GATB: variants seen among roughly 807,000 people sequenced by gnomAD.
GATB encodes glutamyl-tRNA amidotransferase subunit B, also known as glutamyl-tRNA(Gln) amidotransferase subunit B, mitochondrial.
Under a neutral mutation model 62.3 loss-of-function variants are expected in GATB, and 39 were observed. The ratio of observed to expected loss-of-function variants is 0.63; its 90% CI spans 0.48 to 0.82. The LOEUF is 0.82. GATB is among the 40% of genes least tolerant of loss of function. GATB has a pLI of 0.00. For missense variants in GATB, 670 were observed against 684.0 expected, an observed-to-expected ratio of 0.98 and a Z score of 0.23; for synonymous variants, 276 against 258.9, an observed-to-expected ratio of 1.07 and a Z score of -0.63.
At chr4:151,735,733 G>GATATATATATATATATATATATATAT (rs1739357847) in intron 2 of GATB, among the ~76,000 whole-genome samples, 1 of 66,738 alleles carries the variant, frequency 1.5e-5, no homozygotes, top group Admixed American at 1.2e-4. Flanking sequence ...AATAAACTGT[G>GATATATATATATATATATATATATAT]GTGTATATAT....
At chr4:151,749,053 T>G (rs1230813721) in intron 2 of GATB, among the ~76,000 whole-genome samples, 1 of 152,222 alleles carries the variant, frequency 6.6e-6, no homozygotes, top group African/African-American at 2.4e-5. Flanking sequence ...ACTTTTACAC[T>G]GTTGGTAGGA....
chr4:151,691,881 G>A (rs138624124), intron 9 of GATB, among the ~76,000 whole-genome samples: 2 of 152,326 alleles, frequency 1.3e-5, no homozygotes, highest in East Asian at 3.9e-4. Context: ...AATGCAAGTT[G>A]AGGAACAGCT....
chr4:151,752,340 T>C (rs755859851), intron 2 of GATB, among the ~76,000 whole-genome samples: 1 of 152,250 alleles, frequency 6.6e-6, no homozygotes, highest in Non-Finnish European at 1.5e-5. Context: ...TAGAGATATA[T>C]GTCCTTCAAT....
At chr4:151,756,335 T>A (rs1043836554) in intron 2 of GATB, among the ~76,000 whole-genome samples, 19 of 152,236 alleles carry the variant, frequency 1.2e-4, no homozygotes, top group African/African-American at 4.6e-4. Context: ...TACATCTCCA[T>A]AGGGCTTAGG....
chr4:151,718,513 G>A (rs1053886851), intron 3 of GATB, among the ~76,000 whole-genome samples: 4 of 152,200 alleles, frequency 2.6e-5, no homozygotes, highest in Admixed American at 6.5e-5. Context: ...AAAGAAAGGC[G>A]GTTTAATTCT....
chr4:151,752,230 G>A (rs1739735116), intron 2 of GATB, among the ~76,000 whole-genome samples: 1 of 152,024 alleles, frequency 6.6e-6, no homozygotes, highest in Non-Finnish European at 1.5e-5. Context: ...TAAGCTTTAG[G>A]ACCTTAACTT....
chr4:151,689,501 A>G (rs909253667), intron 9 of GATB, among the ~76,000 whole-genome samples: 6 of 152,044 alleles, frequency 3.9e-5, no homozygotes, highest in African/African-American at 1.4e-4. Context: ...AGACTGTACC[A>G]CTTCTCCCCC....
rs1219511689 is a variant in GATB at position 151,690,361 on chromosome 4, G to A, written c.1198-1598C>T. Among the ~76,000 whole-genome samples, 3 of 152,196 alleles carry A rather than the reference G, an allele frequency of 2.0e-5. No individual in the cohort carries two copies. The East Asian group carries it at 5.8e-4, about 29-fold the overall frequency. ...TATTATTCTGCTCATGCTAAACCAG[G>A]GCAGAGGCCACCTCGGCAGCCCAAG... On this transcript the variant is annotated intron_variant, in intron 9 of 12. Transcript: ENST00000263985.
At chr4:151,689,807 C>T (rs114823454) in intron 9 of GATB, among the ~76,000 whole-genome samples, 1,924 of 152,250 alleles carry the variant, frequency 0.013, 38 homozygotes, top group African/African-American at 0.044. Context: ...ACTATGCATA[C>T]GACCAGCCCT....
intron 2 of GATB, among the ~76,000 whole-genome samples, chr4:151,729,276 T>C (rs1739196746): frequency 6.7e-6 from 1 of 149,740 alleles, no homozygotes; most frequent in Admixed American, 6.6e-5. Flanking sequence ...AAACTGTCAA[T>C]GTCATGAAGA....
At chr4:151,699,539 C>T (rs1436313354) in intron 9 of GATB, among the ~76,000 whole-genome samples, 1 of 152,168 alleles carries the variant, frequency 6.6e-6, no homozygotes, top group Non-Finnish European at 1.5e-5. Context: ...ATGCAGGACC[C>T]ATGAATAAAG....
intron 8 of GATB, chr4:151,703,645 C>T (rs376731458): frequency 1.7e-6 from 1 of 586,010 alleles, no homozygotes. Flanking sequence ...AAACAAGGCA[C>T]CAGATCTGAG....
chr4:151,670,905 T>C lies in GATB; in HGVS notation c.*269A>G, dbSNP rs1737842132. On this transcript the variant is annotated 3_prime_UTR_variant, in exon 13 of 13. Coordinates refer to ENST00000263985, the MANE Select transcript of GATB (RefSeq NM_004564.3). ...TTTAAAATTCCTTAATACAAGAAGG[T>C]GTTACTCCTTAACCACTGCTGCAGC... 2 of 390,052 alleles carry C rather than the reference T, an allele frequency of 5.1e-6. No individual in the cohort carries two copies. The highest frequency in any genetic ancestry group is 7.9e-5 in the South Asian group (1 of 12,688). 24.2% of individuals were successfully genotyped at this position (390,052 alleles called of 1,614,324 possible). A position where few individuals can be genotyped will look rare whatever the true frequency, so the allele number is the denominator to read the frequency against.
intron 2 of GATB, among the ~76,000 whole-genome samples, chr4:151,746,059 T>C (rs758735680): frequency 6.6e-5 from 10 of 152,214 alleles, no homozygotes; most frequent in Non-Finnish European, 1.0e-4. Flanking sequence ...AGCCTGATTA[T>C]CAGGAGTTAT....
chr4:151,732,127 G>T lies in GATB; in HGVS notation c.328-12589C>A, dbSNP rs546813372. ...TGGGGGGAGCCTCCGCCCGGCCACC[G>T]CCCCGTCCAGGAGGTGGGGGGCGCC... On this transcript the variant is annotated intron_variant, in intron 2 of 12. Transcript: ENST00000263985. Among the ~76,000 whole-genome samples, 44 of 144,418 alleles carry T rather than the reference G, an allele frequency of 3.0e-4. No homozygotes were observed. The South Asian group carries it at 4.3e-3, about 14-fold the overall frequency. 94.7% of individuals were successfully genotyped at this position (144,418 alleles called of 152,430 possible). A position where few individuals can be genotyped will look rare whatever the true frequency, so the allele number is the denominator to read the frequency against.
chr4:151,727,818 T>C (rs909243842), intron 2 of GATB, among the ~76,000 whole-genome samples: 12 of 152,216 alleles, frequency 7.9e-5, no homozygotes, highest in African/African-American at 1.2e-4. Flanking sequence ...CACTTAGTAA[T>C]ATTAGTTTCA....
chr4:151,715,718 G>A (rs768892794), intron 5 of GATB, among the ~76,000 whole-genome samples: 2 of 152,208 alleles, frequency 1.3e-5, no homozygotes, highest in Non-Finnish European at 2.9e-5. Context: ...TCTTCTTCCT[G>A]AGAAAGACTG....
chr4:151,702,663 A>C (rs1444995411), intron 8 of GATB, among the ~76,000 whole-genome samples: 1 of 152,190 alleles, frequency 6.6e-6, no homozygotes, highest in African/African-American at 2.4e-5. Context: ...AACTGCTCTA[A>C]AAAATGAAGG....
intron 2 of GATB, chr4:151,723,824 G>A (rs1385580376): frequency 6.6e-6 from 1 of 152,214 alleles, no homozygotes. Flanking sequence ...AAGCTGTGAT[G>A]GGTAGAGGTA....
Sources: gnomAD v4.1 joint callset for allele counts (sites outside exome capture counted in the v4.1 genomes callset) on GRCh38, gnomAD v4.1.1 for gene constraint, MANE v1.5 for transcripts, NCBI Gene and HGNC (gene_info 2026-07-23, HGNC 2026-07-21) for gene names.